Variants in ATP10A observed in about 807,000 individuals in gnomAD.
The protein encoded by ATP10A is phospholipid-transporting ATPase VA.
ATP10A carries 111 observed loss-of-function variants against 147.8 expected under a neutral mutation model. That is an observed-to-expected ratio of 0.75 (90% confidence interval 0.64 to 0.88). The LOEUF (loss-of-function observed/expected upper bound fraction) is 0.88. Ranked by LOEUF, ATP10A falls within the 40% of genes least tolerant of loss-of-function variation. The pLI, the probability that ATP10A is intolerant of heterozygous loss-of-function variation, is 0.00. For missense variants in ATP10A, 1,927 were observed against 1,959.0 expected (o/e 0.98, Z 0.31); for synonymous variants, 875 against 841.6 (o/e 1.04, Z -0.69).
At chr15:25,864,103 G>A (rs961000687), upstream of ATP10A, among the ~76,000 whole-genome samples, 1 of 152,106 alleles carries the variant, frequency 6.6e-6, no homozygotes, top group Admixed American at 6.5e-5. Flanking sequence ...TGGCCCGGAC[G>A]GCGGGGGAGG....
intron 2 of ATP10A, among the ~76,000 whole-genome samples, chr15:25,766,907 A>AT (rs1596845104): frequency 1.3e-5 from 2 of 150,666 alleles, no homozygotes; most frequent in African/African-American, 5.0e-5. Context: ...TGTTTCTAAA[A>AT]AAAAAAAAAA....
intron 1 of ATP10A, among the ~76,000 whole-genome samples, chr15:25,801,376 A>T (rs1179850091): frequency 2.6e-5 from 4 of 152,116 alleles, no homozygotes; most frequent in Non-Finnish European, 4.4e-5. Context: ...TTCACAGCCA[A>T]TCACGGCTCT....
At chr15:25,684,320 ACT>A (rs1236604529) in intron 16 of ATP10A, among the ~76,000 whole-genome samples, 1 of 152,158 alleles carries the variant, frequency 6.6e-6, no homozygotes, top group African/African-American at 2.4e-5. Context: ...GCATTCTAAC[ACT>A]CATGAGCTAT....
chr15:25,731,677 G>A lies in ATP10A; in HGVS notation c.740+4379C>T, dbSNP rs113720316. On this transcript the variant is annotated intron_variant, in intron 3 of 20. Transcript: ENST00000555815. Reference sequence around the variant, plus strand: ...GGAACAGCTGGAGAAGGTGGGGAACGATGTTACTTCCAGATCCTAACTCTG... The same window carrying A: ...GGAACAGCTGGAGAAGGTGGGGAACAATGTTACTTCCAGATCCTAACTCTG... Among the ~76,000 whole-genome samples the A allele has an allele frequency of 6.8e-3, 1,029 of 152,238 alleles. 7 individuals are homozygous for A. The highest frequency in any genetic ancestry group is 0.02 in the Middle Eastern group (6 of 294).
intron 3 of ATP10A, among the ~76,000 whole-genome samples, chr15:25,732,873 T>G (rs1011617801): frequency 3.3e-5 from 5 of 152,044 alleles, no homozygotes; most frequent in Non-Finnish European, 5.9e-5. Context: ...TTCTAATTCA[T>G]GTTGTACTTC....
At position 25,724,033 on chromosome 15, in the gene ATP10A, T is replaced by G; in HGVS notation, c.980-12A>C. ...CCACAGTCCATGTCCTGTAGTAATG[T>G]TCAAAGAGAAATGTCATTCATCCAA... On this transcript the variant is annotated splice_polypyrimidine_tract_variant and intron_variant, in intron 5 of 20. Transcript: ENST00000555815. 6.6e-7 allele frequency: 1 copy of G among 1,511,770 alleles called. No individual in the cohort carries two copies. Among genetic ancestry groups the G allele is most frequent in the East Asian group, 2.5e-5 (1 of 40,790 alleles). 93.6% of individuals were successfully genotyped at this position (1,511,770 alleles called of 1,614,324 possible).
intron 1 of ATP10A, among the ~76,000 whole-genome samples, chr15:25,805,830 CCAAA>C (rs1437518108): frequency 3.9e-5 from 6 of 152,086 alleles, no homozygotes; most frequent in Non-Finnish European, 7.3e-5. Context: ...CCCACAATTC[CCAAA>C]CAGAGACTAA....
chr15:25,729,212 C>A (rs1233240662), intron 3 of ATP10A, among the ~76,000 whole-genome samples: 1 of 152,138 alleles, frequency 6.6e-6, no homozygotes, highest in African/African-American at 2.4e-5. Flanking sequence ...TTTGGACAGG[C>A]GTGGTGGCTC....
At chr15:25,851,806 T>C (rs1893311234) in intron 1 of ATP10A, among the ~76,000 whole-genome samples, 1 of 152,142 alleles carries the variant, frequency 6.6e-6, no homozygotes, top group African/African-American at 2.4e-5. Flanking sequence ...ACAGGCCAGG[T>C]GCGGTCTCAG....
chr15:25,745,033 A>G (rs1300312339), intron 2 of ATP10A, among the ~76,000 whole-genome samples: 1 of 152,330 alleles, frequency 6.6e-6, no homozygotes, highest in African/African-American at 2.4e-5. Context: ...AAACTCTTAA[A>G]GGGAAATTGG....
chr15:25,705,531 C>T (rs1285774666), intron 12 of ATP10A, among the ~76,000 whole-genome samples: 1 of 151,014 alleles, frequency 6.6e-6, no homozygotes, highest in Non-Finnish European at 1.5e-5. Flanking sequence ...TGGCTGGCTT[C>T]ACTTTTCTTA....
intron 14 of ATP10A, among the ~76,000 whole-genome samples, chr15:25,692,111 A>G (rs1596692614): frequency 1.3e-5 from 2 of 152,210 alleles, no homozygotes; most frequent in Admixed American, 1.3e-4. Flanking sequence ...TGCTATCATC[A>G]TCTTCATCAT....
chr15:25,728,575 A>G (rs1902731380), intron 3 of ATP10A, among the ~76,000 whole-genome samples: 1 of 152,222 alleles, frequency 6.6e-6, no homozygotes, highest in South Asian at 2.1e-4. Context: ...GACACCCCCT[A>G]TCACGTGTCT....
intron 3 of ATP10A, among the ~76,000 whole-genome samples, chr15:25,732,656 C>T (rs914862399): frequency 1.5e-4 from 22 of 150,658 alleles, no homozygotes; most frequent in African/African-American, 2.7e-4. Context: ...CCCGGGTTCA[C>T]GCCATTCTCC....
intron 15 of ATP10A, among the ~76,000 whole-genome samples, chr15:25,690,232 CTT>C (rs67257443): frequency 6.6e-5 from 9 of 137,124 alleles, no homozygotes; most frequent in African/African-American, 1.6e-4. Context: ...ATTTTTTTTC[CTT>C]TTTTTTAAAA....
In ATP10A at chr15:25,708,176, C is replaced by A. The variant is rs549666651; in HGVS notation, c.2448+21G>T. 15 of 1,614,048 alleles carry A rather than the reference C, an allele frequency of 9.3e-6. No individual in the cohort carries two copies. In the South Asian group the frequency reaches 1.5e-4, roughly 17 times the overall value. ...GGGCGGCCACCTGCACGTGCACCCT[C>A]GCGGAGACACCCCCACTCACTCTCT... On this transcript the variant is annotated intron_variant, in intron 11 of 20. Coordinates refer to ENST00000555815, the MANE Select transcript of ATP10A (RefSeq NM_024490.4).
At chr15:25,810,297 G>T (rs765611332) in intron 1 of ATP10A, among the ~76,000 whole-genome samples, 2 of 152,194 alleles carry the variant, frequency 1.3e-5, no homozygotes, top group Non-Finnish European at 2.9e-5. Flanking sequence ...CTGGTCACCC[G>T]AGAGGGCAGA....
intron 2 of ATP10A, among the ~76,000 whole-genome samples, chr15:25,752,438 T>C (rs1476038877): frequency 6.6e-6 from 1 of 152,196 alleles, no homozygotes; most frequent in African/African-American, 2.4e-5. Context: ...ATGTGGAATC[T>C]AAAGCAACCA....
Position 25,713,843 on chromosome 15 carries a change from C to T in ATP10A, c.2175G>A (p.Glu725=). Residue 725 remains glutamate (E), a synonymous_variant, in exon 10 of 21, where the codon GAG becomes GAA. Transcript: ENST00000555815. The stretch of plus-strand genomic sequence containing the variant: ...AGGTGAGCCTGCCCAGGTGGGGCAG[C>T]TCCACTGACACTTGGTCGTGCAGCC... The part of the protein sequence containing the change: ...VERLHDQVSV[E]LPHLGRLTFE... 6.2e-7 allele frequency: 1 copy of T among 1,613,998 alleles called. No homozygotes were observed. The highest frequency in any genetic ancestry group is 1.1e-5 in the South Asian group (1 of 91,090).
Sources: allele counts gnomAD v4.1 joint callset (sites outside exome capture counted in the v4.1 genomes callset), GRCh38; gene constraint gnomAD v4.1.1; transcripts MANE v1.5; gene names NCBI Gene and HGNC (gene_info 2026-07-23, HGNC 2026-07-21).